The following ADCY5 variants were observed in gnomAD, a reference collection of about 807,000 sequenced individuals.
ADCY5 encodes the protein adenylate cyclase type 5.
A neutral mutation model predicts 119.7 loss-of-function variants in ADCY5; 30 were observed. The observed-to-expected ratio is 0.25, with a 90% CI of 0.19 to 0.34. The LOEUF is 0.34. Ranked by LOEUF, ADCY5 falls within the 10% of genes least tolerant of loss-of-function variation. The pLI, the probability that ADCY5 is intolerant of heterozygous loss-of-function variation, is 1.00. For missense variants in ADCY5, 1,324 were observed against 1,775.2 expected (o/e 0.75, Z 4.57); for synonymous variants, 753 against 762.2 (o/e 0.99, Z 0.20).
chr3:123,321,741 G>A (rs913080339), intron 8 of ADCY5, among the ~76,000 whole-genome samples: 2 of 152,296 alleles, frequency 1.3e-5, no homozygotes, highest in South Asian at 2.1e-4. Flanking sequence ...ATGAGGACAC[G>A]GTTTGAAAAT....
At chr3:123,419,497 C>T (rs562637333) in intron 1 of ADCY5, among the ~76,000 whole-genome samples, 30 of 152,200 alleles carry the variant, frequency 2.0e-4, no homozygotes, top group East Asian at 9.7e-4. Flanking sequence ...TCCAACCGAC[C>T]GTGCACTCCT....
chr3:123,418,347 C>T (rs1049470913), intron 1 of ADCY5, among the ~76,000 whole-genome samples: 21 of 152,190 alleles, frequency 1.4e-4, no homozygotes, highest in African/African-American at 4.8e-4. Flanking sequence ...TGCCTTAGTA[C>T]ATTTTGTGTT....
At chr3:123,441,996 A>AG (rs1945732805) in intron 1 of ADCY5, among the ~76,000 whole-genome samples, 1 of 150,816 alleles carries the variant, frequency 6.6e-6, no homozygotes, top group Non-Finnish European at 1.5e-5. Context: ...AAAAAAAAAA[A>AG]GCAGGGCTTT....
chr3:123,385,540 T>A (rs1377639425), intron 1 of ADCY5, among the ~76,000 whole-genome samples: 5 of 152,118 alleles, frequency 3.3e-5, no homozygotes, highest in Non-Finnish European at 7.4e-5. Context: ...GACAGGGGTG[T>A]GTACAGGGTG....
rs571005355 is a variant in ADCY5, at chr3:123,296,206, C to T, written c.2941G>A (p.Ala981Thr). 5 of 1,613,828 alleles carry T rather than the reference C, an allele frequency of 3.1e-6. No homozygotes were observed. In the South Asian group the frequency reaches 4.4e-5, roughly 14 times the overall value. The change falls in exon 17 of 21, where the codon GCA becomes ACA. Residue 981 changes from alanine to threonine, a missense_variant. Around this residue, in one of 6 missense-constraint regions of ADCY5, gnomAD observed 424 missense variants for 546.8 expected, o/e 0.78. Coordinates refer to ENST00000462833, the MANE Select transcript of ADCY5 (RefSeq NM_183357.3). ...NNGTSQCPEH[A>T]TKVALKVVTP... The stretch of plus-strand genomic sequence containing the variant: ...ACCACCTTCAATGCCACCTTGGTTG[C>T]ATGCTCAGGGCTGTGGGGAGGTGGT...
intron 3 of ADCY5, among the ~76,000 whole-genome samples, chr3:123,344,873 G>A (rs752707227): frequency 1.3e-5 from 2 of 152,198 alleles, no homozygotes; most frequent in Non-Finnish European, 2.9e-5. Context: ...CCTCTGATGT[G>A]TACCAGCCAC....
chr3:123,303,945 G>A (rs1321832178), intron 13 of ADCY5, 122 bp downstream of exon 13: 2 of 689,524 alleles, frequency 2.9e-6, no homozygotes, highest in African/African-American at 1.8e-5. Flanking sequence ...CCAGACCCAG[G>A]TGCGAAACAA....
chr3:123,371,157 T>C (rs1426225345), intron 1 of ADCY5, among the ~76,000 whole-genome samples: 1 of 152,098 alleles, frequency 6.6e-6, no homozygotes, highest in South Asian at 2.1e-4. Context: ...AGACGAAGCA[T>C]GCTGTGGGGA....
At chr3:123,422,682 A>G (rs1945324619) in intron 1 of ADCY5, among the ~76,000 whole-genome samples, 1 of 152,176 alleles carries the variant, frequency 6.6e-6, no homozygotes, top group Admixed American at 6.5e-5. Flanking sequence ...CCCAGCCAGA[A>G]TGCCCAGCTG....
chr3:123,317,347 C>G (rs201442106), intron 11 of ADCY5, among the ~76,000 whole-genome samples: 1 of 101,740 alleles, frequency 9.8e-6, no homozygotes, highest in African/African-American at 3.5e-5. Flanking sequence ...TTTTTTTTTT[C>G]AAGAACTAAC....
At chr3:123,406,603 T>C (rs1386570852) in intron 1 of ADCY5, among the ~76,000 whole-genome samples, 2 of 152,228 alleles carry the variant, frequency 1.3e-5, no homozygotes, top group African/African-American at 4.8e-5. Flanking sequence ...GATTTTTTTC[T>C]TTCCTCCTGA....
chr3:123,323,135 G>A (rs979781226), intron 8 of ADCY5, among the ~76,000 whole-genome samples: 2 of 152,198 alleles, frequency 1.3e-5, no homozygotes, highest in Non-Finnish European at 2.9e-5. Flanking sequence ...GCCCCCTCAG[G>A]GGACACCAGG....
rs143668002 is a variant in ADCY5, at chr3:123,296,961, C to T, written c.2930+392G>A. ...GCCCTCAATGCAGGGACGGGTCCCA[C>T]AAGCACTGCAGCCCTCGCCTTTGTT... On this transcript the variant is annotated intron_variant, in intron 16 of 20. Transcript: ENST00000462833. 6.5e-6 allele frequency: 10 copies of T among 1,533,750 alleles called. No individual in the cohort carries two copies. The African/African-American group carries it at 1.2e-4, about 19-fold the overall frequency.
chr3:123,291,091 T>C lies in ADCY5; in HGVS notation c.3327+22A>G, dbSNP rs757641254. ...GTAGGCCCCTCCCAGGAACACAGCC[T>C]GACCCAGGCCCCGCTGTGCACCTCA... is the stretch of plus-strand genomic sequence containing the variant. On this transcript the variant is annotated intron_variant, in intron 18 of 20. Transcript: ENST00000462833. 1.9e-6 allele frequency: 3 copies of C among 1,597,188 alleles called. No individual in the cohort carries two copies. The Admixed American group carries it at 5.1e-5, about 27-fold the overall frequency.
At position 123,284,585 on chromosome 3, in the gene ADCY5, C is replaced by A. The variant is rs370899616; in HGVS notation, c.*23G>T. 22 of 1,613,906 alleles carry A rather than the reference C, an allele frequency of 1.4e-5. No individual in the cohort carries two copies. The highest frequency in any genetic ancestry group is 1.7e-5 in the Non-Finnish European group (20 of 1,179,896). Reference sequence around the variant, plus strand: ...TCCATGCCTCTGGAGGCCAGGCTGCCTGGCACCATTGGCCAACAGCTGCTA... The same window carrying A: ...TCCATGCCTCTGGAGGCCAGGCTGCATGGCACCATTGGCCAACAGCTGCTA... On this transcript the variant is annotated 3_prime_UTR_variant, in exon 21 of 21. Transcript: ENST00000462833.
chr3:123,333,955 A>G (rs1227924307), intron 3 of ADCY5, among the ~76,000 whole-genome samples: 2 of 152,018 alleles, frequency 1.3e-5, no homozygotes, highest in African/African-American at 2.4e-5. Flanking sequence ...GAAGCCCCCA[A>G]TTCCTCCTTC....
intron 1 of ADCY5, among the ~76,000 whole-genome samples, chr3:123,438,375 C>T (rs1171020371): frequency 6.6e-6 from 1 of 152,156 alleles, no homozygotes; most frequent in African/African-American, 2.4e-5. Flanking sequence ...AAATAGTCCC[C>T]CTCTAACCTC....
Position 123,286,754 on chromosome 3 carries a change from G to A in ADCY5, c.3588C>T (p.Tyr1196=), listed in dbSNP as rs201070773. Residue 1196 remains tyrosine, a synonymous_variant, in exon 20 of 21, where the codon TAC becomes TAT. Coordinates refer to ENST00000462833, the MANE Select transcript of ADCY5 (RefSeq NM_183357.3). This position sits in a 1 kb window ranked among gnomAD's most constrained non-coding sequence, Gnocchi z 4.2. ...CGTTCACGGTATTGCCCCAGATGTCGTACTGAGGCTTTCGTGCCCCTATCA... is the reference window on the plus strand; with the variant it reads ...CGTTCACGGTATTGCCCCAGATGTCATACTGAGGCTTTCGTGCCCCTATCA... ...AGVIGARKPQ[Y]DIWGNTVNVA... 2.9e-5 allele frequency: 46 copies of A among 1,613,496 alleles called. No individual in the cohort carries two copies. The East Asian group carries it at 4.7e-4, about 16-fold the overall frequency.
intron 1 of ADCY5, among the ~76,000 whole-genome samples, chr3:123,393,747 C>G (rs1366066909): frequency 2.6e-5 from 4 of 152,036 alleles, no homozygotes; most frequent in Non-Finnish European, 5.9e-5. Flanking sequence ...TGCACCCTGC[C>G]TCCCTGACAT....
Sources: gnomAD v4.1 joint callset for allele counts (sites outside exome capture counted in the v4.1 genomes callset) on GRCh38, gnomAD v4.1.1 for gene constraint, gnomAD v4.1.1 regional missense constraint, Gnocchi (gnomAD v3.1) non-coding constraint, MANE v1.5 for transcripts, NCBI Gene and HGNC (gene_info 2026-07-23, HGNC 2026-07-21) for gene names.